The following POU3F3 variants were observed in gnomAD, a reference collection of about 807,000 sequenced individuals.
POU3F3 encodes POU class 3 homeobox 3.
Under a neutral mutation model 8.6 loss-of-function variants are expected in POU3F3, and 1 was observed. The ratio of observed to expected loss-of-function variants is 0.12; its 90% CI spans 0.04 to 0.55. The LOEUF (loss-of-function observed/expected upper bound fraction) is 0.55. Among genes scored for constraint, POU3F3 ranks in the 20% least tolerant of loss-of-function variants. The probability of loss-of-function intolerance (pLI) is 0.91; values close to 1 mark genes in which losing one functional copy is unlikely to be tolerated. For missense variants in POU3F3, 577 were observed against 690.7 expected (o/e 0.84, Z 1.84); for synonymous variants, 418 against 327.4 (o/e 1.28, Z -2.99).
chr2:104,867,465 G>C, the POU3F3 span: 1 of 152,438 alleles, frequency 6.6e-6, no homozygotes, highest in Non-Finnish European at 1.5e-5. The surrounding 1 kb of genome is among the most constrained non-coding windows in gnomAD (Gnocchi z 5.0). Context: ...CAGCTCCCGG[G>C]ACGCAGAGCC....
the POU3F3 span, among the ~76,000 whole-genome samples, chr2:104,910,492 T>C: frequency 6.6e-6 from 1 of 152,260 alleles, no homozygotes; most frequent in East Asian, 1.9e-4. Context: ...GTGTAAACTC[T>C]CCAGGTATTA....
At chr2:104,879,609 A>G in the POU3F3 span, among the ~76,000 whole-genome samples, 1 of 152,130 alleles carries the variant, frequency 6.6e-6, no homozygotes, top group Non-Finnish European at 1.5e-5. Context: ...GGTGAGCAGA[A>G]TGGGGTGGCC....
chr2:104,876,862 C>G, the POU3F3 span, among the ~76,000 whole-genome samples: 1 of 152,166 alleles, frequency 6.6e-6, no homozygotes, highest in Non-Finnish European at 1.5e-5. Context: ...ACTTGCTGAA[C>G]CGCTAGAGCT....
chr2:104,894,786 G>T, the POU3F3 span, among the ~76,000 whole-genome samples: 1 of 152,274 alleles, frequency 6.6e-6, no homozygotes, highest in African/African-American at 2.4e-5. Context: ...ACATGCTAAG[G>T]GGAGCTGGTC....
chr2:104,896,622 T>C, the POU3F3 span, among the ~76,000 whole-genome samples: 1 of 99,320 alleles, frequency 1.0e-5, no homozygotes, highest in Admixed American at 1.2e-4. Flanking sequence ...GTTGTGCAGC[T>C]GAATCATGTG....
At chr2:104,867,505 G>T in the POU3F3 span, 2 of 152,392 alleles carry the variant, frequency 1.3e-5, no homozygotes, top group African/African-American at 4.8e-5. This position sits in a 1 kb window ranked among gnomAD's most constrained non-coding sequence, Gnocchi z 5.0. Flanking sequence ...CTCCGCAGAC[G>T]TGCCCGGGTT....
At chr2:104,902,003 C>T in the POU3F3 span, among the ~76,000 whole-genome samples, 1 of 152,206 alleles carries the variant, frequency 6.6e-6, no homozygotes, top group Admixed American at 6.5e-5. Flanking sequence ...TGCTTACAGA[C>T]TGTAGATGTT....
chr2:104,897,087 A>G, the POU3F3 span, among the ~76,000 whole-genome samples: 3 of 152,192 alleles, frequency 2.0e-5, no homozygotes, highest in Non-Finnish European at 4.4e-5. Context: ...GGAATACCTG[A>G]TAGTCCAGAA....
chr2:104,865,173 T>G, the POU3F3 span, among the ~76,000 whole-genome samples: 1 of 152,132 alleles, frequency 6.6e-6, no homozygotes, highest in Non-Finnish European at 1.5e-5. Context: ...CGAAACTGAG[T>G]CTGGTCTTTA....
In POU3F3 at chr2:104,855,121, G is replaced by A. The variant is rs918856076; in HGVS notation, c.-390G>A. Among the ~76,000 whole-genome samples the A allele has an allele frequency of 2.6e-4, 40 of 151,878 alleles. No individual in the cohort carries two copies. Among genetic ancestry groups the A allele is most frequent in the African/African-American group, 8.4e-4 (35 of 41,514 alleles). On this transcript the variant is annotated 5_prime_UTR_variant, in exon 1 of 1. Transcript: ENST00000361360. ...CGCTGGAGCGAGCCCAGCGCGCCGG[G>A]GCTGGGGGGCGGCCACGACCCCCCC...
the POU3F3 span, among the ~76,000 whole-genome samples, chr2:104,885,619 A>T: frequency 5.8e-3 from 889 of 152,312 alleles, 3 homozygotes; most frequent in Middle Eastern, 0.024. Context: ...AACCCAAGGA[A>T]GTTACCCTAT....
At chr2:104,888,321 GT>G in the POU3F3 span, among the ~76,000 whole-genome samples, 69 of 152,328 alleles carry the variant, frequency 4.5e-4, no homozygotes, top group African/African-American at 1.6e-3. Flanking sequence ...GCTAGTGTGG[GT>G]TTTGAAAAGG....
chr2:104,879,216 A>G, the POU3F3 span, among the ~76,000 whole-genome samples: 1 of 141,632 alleles, frequency 7.1e-6, no homozygotes, highest in Non-Finnish European at 1.6e-5. Context: ...ACACATACAG[A>G]TGGAGAGAGA....
the POU3F3 span, among the ~76,000 whole-genome samples, chr2:104,902,094 C>T: frequency 1.3e-5 from 2 of 152,064 alleles, no homozygotes; most frequent in Non-Finnish European, 2.9e-5. Flanking sequence ...CTCCTCCAAC[C>T]TCCCTCTCCC....
At chr2:104,869,375 GTTC>G in the POU3F3 span, among the ~76,000 whole-genome samples, 2,102 of 152,368 alleles carry the variant, frequency 0.014, 46 homozygotes, top group African/African-American at 0.048. Flanking sequence ...TGGAGTGTCT[GTTC>G]TTCTCTTTAT....
Position 104,856,151 on chromosome 2 carries a change from A to C in POU3F3, c.641A>C (p.Gln214Pro), listed in dbSNP as rs1376663027. 6 of 1,240,250 alleles carry C rather than the reference A, an allele frequency of 4.8e-6. No homozygotes were observed. The African/African-American group carries it at 9.7e-5, about 20-fold the overall frequency. The allele number at this position is 1,240,250 out of a possible 1,614,324, so 76.8% of individuals were successfully genotyped here. Reference sequence around the variant, plus strand: ...CTCCCGTCCATGGCCGGGGGCCAGCAGCCGCCGCCGCAGAGTCTGCTCTAC... The same window carrying C: ...CTCCCGTCCATGGCCGGGGGCCAGCCGCCGCCGCCGCAGAGTCTGCTCTAC... ...AHLPSMAGGQ[Q>P]PPPQSLLYSQ... is the part of the protein sequence containing the mutation. The change falls in exon 1 of 1, where the codon CAG becomes CCG. Residue 214 changes from glutamine to proline, a missense_variant. This residue lies in a region of POU3F3 where 484 missense variants were observed against 422.6 expected (regional missense o/e 1.15). Transcript: ENST00000361360.
chr2:104,886,095 C>T, the POU3F3 span, among the ~76,000 whole-genome samples: 2 of 152,196 alleles, frequency 1.3e-5, no homozygotes, highest in African/African-American at 4.8e-5. Flanking sequence ...CCGTGCCTGG[C>T]CTGTTCCTTT....
chr2:104,861,738 CTGTTGT>C (rs918673055), downstream of POU3F3, among the ~76,000 whole-genome samples: 1 of 152,144 alleles, frequency 6.6e-6, no homozygotes, highest in African/African-American at 2.4e-5. Context: ...GCTGCTGCTG[CTGTTGT>C]TGTTGTTGAG....
the POU3F3 span, among the ~76,000 whole-genome samples, chr2:104,894,070 T>C: frequency 1.3e-5 from 2 of 152,118 alleles, no homozygotes; most frequent in African/African-American, 2.4e-5. Flanking sequence ...GCGGTTAAGA[T>C]CCTTGCTCTG....
Sources: gnomAD v4.1 joint callset for allele counts (sites outside exome capture counted in the v4.1 genomes callset) on GRCh38, gnomAD v4.1.1 for gene constraint, gnomAD v4.1.1 regional missense constraint, Gnocchi (gnomAD v3.1) non-coding constraint, MANE v1.5 for transcripts, NCBI Gene and HGNC (gene_info 2026-07-23, HGNC 2026-07-21) for gene names.